CNTNAP2: variants seen among roughly 807,000 people sequenced by gnomAD.
CNTNAP2 encodes the protein contactin-associated protein-like 2.
Under a neutral mutation model 155.2 loss-of-function variants are expected in CNTNAP2, and 98 were observed. The ratio of observed to expected loss-of-function variants is 0.63; its 90% CI spans 0.54 to 0.75. The LOEUF is 0.75. Among genes scored for constraint, CNTNAP2 ranks in the 30% least tolerant of loss-of-function variants. The pLI is 0.00. For synonymous variants in CNTNAP2, 651 were observed against 631.2 expected (o/e 1.03, Z -0.47); for missense variants, 1,727 against 1,688.1 (o/e 1.02, Z -0.40).
intron 1 of CNTNAP2, among the ~76,000 whole-genome samples, chr7:146,306,304 T>C (rs1800711356): frequency 6.6e-6 from 1 of 152,134 alleles, no homozygotes; most frequent in Non-Finnish European, 1.5e-5. Context: ...CAGAGCTGAA[T>C]TCTACCAGAG....
At chr7:147,881,851 A>G (rs768203267) in intron 13 of CNTNAP2, among the ~76,000 whole-genome samples, 8 of 152,072 alleles carry the variant, frequency 5.3e-5, no homozygotes, top group Non-Finnish European at 8.8e-5. Flanking sequence ...GGGTGCCTGT[A>G]GTCTCAGCTA....
chr7:146,283,031 C>T lies in CNTNAP2; in HGVS notation c.97+166058C>T, dbSNP rs1800273843. Among the ~76,000 whole-genome samples, 8 of 152,278 alleles carry T rather than the reference C, an allele frequency of 5.3e-5. No homozygotes were observed. The South Asian group carries it at 1.7e-3, about 32-fold the overall frequency. Reference sequence around the variant, plus strand: ...CTAAGTCCTAGCAATTATTGTAAGACACATAACATTGCCTGAAATTATTTA... The same window carrying T: ...CTAAGTCCTAGCAATTATTGTAAGATACATAACATTGCCTGAAATTATTTA... On this transcript the variant is annotated intron_variant, in intron 1 of 23. Coordinates refer to ENST00000361727, the MANE Select transcript of CNTNAP2 (RefSeq NM_014141.6).
Position 146,426,559 on chromosome 7 carries a change from G to A in CNTNAP2, c.97+309586G>A, listed in dbSNP as rs971721046. Among the ~76,000 whole-genome samples the A allele has an allele frequency of 1.1e-4, 17 of 149,050 alleles. No individual in the cohort carries two copies. The East Asian group carries it at 3.2e-3, about 28-fold the overall frequency. On this transcript the variant is annotated intron_variant, in intron 1 of 23. Coordinates refer to ENST00000361727, the MANE Select transcript of CNTNAP2 (RefSeq NM_014141.6). The stretch of plus-strand genomic sequence containing the variant: ...TTAAAAAATTTAAAAATATTTAAGA[G>A]CATTAATCAGTTAAATCAGTTTTAA...
Position 147,242,987 on chromosome 7 carries a change from A to ATTTTTTTTTTTTTTTTTTTTTTT in CNTNAP2, c.1349-57147_1349-57125dup, listed in dbSNP as rs766917054. The stretch of plus-strand genomic sequence containing the variant: ...TGTTGTATTCCACACTATGCTTTGC[A>ATTTTTTTTTTTTTTTTTTTTTTT]TTTTTTTTTTTTTTTTTTTTTTTTT... On this transcript the variant is annotated intron_variant, in intron 8 of 23. Coordinates refer to ENST00000361727, the MANE Select transcript of CNTNAP2 (RefSeq NM_014141.6). Among the ~76,000 whole-genome samples the ATTTTTTTTTTTTTTTTTTTTTTT allele has an allele frequency of 8.5e-5, 4 of 47,166 alleles. 1 individual carries two copies. The highest frequency in any genetic ancestry group is 1.7e-4 in the African/African-American group (2 of 11,754). The allele number at this position is 47,166 out of a possible 152,430, so 30.9% of individuals were successfully genotyped here. A position where few individuals can be genotyped will look rare whatever the true frequency, so the allele number is the denominator to read the frequency against.
At chr7:148,308,554 T>TTTAGTTATTTAG (rs1491265933) in intron 21 of CNTNAP2, among the ~76,000 whole-genome samples, 2 of 1,148 alleles carry the variant, frequency 1.7e-3, no homozygotes, top group African/African-American at 2.0e-3. Flanking sequence ...TATTTATGTA[T>TTTAGTTATTTAG]TTATTTATTT....
intron 11 of CNTNAP2, among the ~76,000 whole-genome samples, chr7:147,512,803 A>G (rs563713640): frequency 6.6e-6 from 1 of 152,296 alleles, no homozygotes; most frequent in East Asian, 1.9e-4. Flanking sequence ...AGATTTATGT[A>G]TGCTTTTCAT....
chr7:146,852,505 A>G (rs1042533167), intron 3 of CNTNAP2, among the ~76,000 whole-genome samples: 1 of 152,198 alleles, frequency 6.6e-6, no homozygotes, highest in Non-Finnish European at 1.5e-5. Flanking sequence ...TTTGGCCTTA[A>G]AAATCATGTC....
intron 1 of CNTNAP2, among the ~76,000 whole-genome samples, chr7:146,415,499 T>C (rs1393892851): frequency 6.6e-6 from 1 of 152,202 alleles, no homozygotes; most frequent in Non-Finnish European, 1.5e-5. Flanking sequence ...TTGGCTTTTA[T>C]TGCCAAAAGA....
At chr7:148,298,703 T>G (rs1403461787) in intron 21 of CNTNAP2, among the ~76,000 whole-genome samples, 1 of 152,156 alleles carries the variant, frequency 6.6e-6, no homozygotes, top group Non-Finnish European at 1.5e-5. Context: ...CATATATATA[T>G]ATTTTTTAGA....
chr7:147,173,359 C>T (rs1802270171), intron 8 of CNTNAP2, among the ~76,000 whole-genome samples: 1 of 151,966 alleles, frequency 6.6e-6, no homozygotes, highest in Non-Finnish European at 1.5e-5. Flanking sequence ...GACTGACAAT[C>T]TCCCAACTTC....
intron 13 of CNTNAP2, among the ~76,000 whole-genome samples, chr7:147,868,191 T>A (rs933221855): frequency 6.6e-6 from 1 of 152,186 alleles, no homozygotes; most frequent in Non-Finnish European, 1.5e-5. Context: ...TAGTTTTCCG[T>A]CTAATAGTCA....
chr7:147,374,998 C>T (rs1258665259), intron 9 of CNTNAP2, among the ~76,000 whole-genome samples: 3 of 151,836 alleles, frequency 2.0e-5, no homozygotes, highest in Admixed American at 1.3e-4. Context: ...GCAGTTTCCC[C>T]GATGCTGTTC....
chr7:146,276,456 A>G (rs1323042068), intron 1 of CNTNAP2, among the ~76,000 whole-genome samples: 1 of 152,216 alleles, frequency 6.6e-6, no homozygotes, highest in Non-Finnish European at 1.5e-5. Flanking sequence ...TATTGAATCC[A>G]TGAATGAATG....
rs182374725 is a variant in CNTNAP2 at position 147,624,854 on chromosome 7, C to A, written c.1898-14252C>A. 4.7e-4 allele frequency among the ~76,000 whole-genome samples: 71 copies of A among 152,136 alleles called. No individual in the cohort carries two copies. The South Asian group carries it at 0.013, about 27-fold the overall frequency. On this transcript the variant is annotated intron_variant, in intron 12 of 23. Transcript: ENST00000361727. ...ACAATAGCCAAGATTTGGAAGCAAC[C>A]AAAGCATCCATCAACAGATGAGTGG...
At chr7:147,271,462 T>C (rs1419954001) in intron 8 of CNTNAP2, among the ~76,000 whole-genome samples, 1 of 152,160 alleles carries the variant, frequency 6.6e-6, no homozygotes, top group Non-Finnish European at 1.5e-5. Flanking sequence ...CCAGCCAAAC[T>C]GCACTACACA....
At chr7:147,081,420 T>C (rs1365384676) in intron 4 of CNTNAP2, 3 of 123,508 alleles carry the variant, frequency 2.4e-5, no homozygotes, top group African/African-American at 7.5e-5. Flanking sequence ...AGAGATTCTT[T>C]TTTTTTTTTT....
chr7:146,496,876 G>A (rs1195452199), intron 1 of CNTNAP2, among the ~76,000 whole-genome samples: 1 of 152,150 alleles, frequency 6.6e-6, no homozygotes, highest in Admixed American at 6.5e-5. Context: ...TCATCCAACT[G>A]CAGAGCATCT....
intron 8 of CNTNAP2, among the ~76,000 whole-genome samples, chr7:147,140,633 T>G (rs1801572908): frequency 6.6e-6 from 1 of 151,970 alleles, no homozygotes. Context: ...AAATCTAACA[T>G]ATAGTGGATT....
intron 8 of CNTNAP2, among the ~76,000 whole-genome samples, chr7:147,239,844 A>C (rs1803899122): frequency 1.3e-5 from 2 of 152,184 alleles, no homozygotes; most frequent in African/African-American, 4.8e-5. Flanking sequence ...ATACTGAGTC[A>C]AGTGGCGATA....
Sources: gnomAD v4.1 joint callset for allele counts (sites outside exome capture counted in the v4.1 genomes callset) on GRCh38, gnomAD v4.1.1 for gene constraint, MANE v1.5 for transcripts, NCBI Gene and HGNC (gene_info 2026-07-23, HGNC 2026-07-21) for gene names.